The following GABRB1 variants were observed in gnomAD, a reference collection of about 807,000 sequenced individuals.
GABRB1 encodes gamma-aminobutyric acid receptor subunit beta-1.
A neutral mutation model predicts 51.6 loss-of-function variants in GABRB1; 17 were observed. That is an observed-to-expected ratio of 0.33 (90% CI 0.23 to 0.49). The LOEUF (loss-of-function observed/expected upper bound fraction) is 0.49, where lower values mean the gene tolerates loss of function less well. GABRB1 is among the 20% of genes least tolerant of loss of function. The pLI is 0.99. For synonymous variants in GABRB1, 247 were observed against 218.9 expected (o/e 1.13, Z -1.14); for missense variants, 410 against 600.6 (o/e 0.68, Z 3.32).
intron 3 of GABRB1, among the ~76,000 whole-genome samples, chr4:47,066,392 T>C (rs1727083667): frequency 6.6e-6 from 1 of 152,220 alleles, no homozygotes; most frequent in Non-Finnish European, 1.5e-5. Flanking sequence ...ATTGACACTT[T>C]CTTTCATGAA....
intron 4 of GABRB1, among the ~76,000 whole-genome samples, chr4:47,265,528 A>C (rs1722614034): frequency 6.6e-6 from 1 of 152,156 alleles, no homozygotes; most frequent in South Asian, 2.1e-4. Context: ...GCTGTTTTCC[A>C]TAGAGGTTGT....
At chr4:47,408,282 C>G (rs1245457748) in intron 8 of GABRB1, among the ~76,000 whole-genome samples, 4 of 152,142 alleles carry the variant, frequency 2.6e-5, no homozygotes, top group Non-Finnish European at 5.9e-5. Context: ...TGCATAGGCT[C>G]TGAGGCAGGA....
At chr4:47,094,202 A>G (rs568614070) in intron 3 of GABRB1, among the ~76,000 whole-genome samples, 4 of 150,342 alleles carry the variant, frequency 2.7e-5, no homozygotes, top group African/African-American at 4.9e-5. Flanking sequence ...GGATGGAAAA[A>G]GTTAATTTTT....
chr4:47,050,813 T>C (rs557508454), intron 3 of GABRB1, among the ~76,000 whole-genome samples: 1 of 152,170 alleles, frequency 6.6e-6, no homozygotes, highest in Non-Finnish European at 1.5e-5. Flanking sequence ...ATATTACTGA[T>C]GTTTCCTCTC....
intron 3 of GABRB1, among the ~76,000 whole-genome samples, chr4:47,049,347 C>G (rs1014004416): frequency 1.3e-5 from 2 of 152,116 alleles, no homozygotes; most frequent in East Asian, 3.9e-4. Flanking sequence ...ACGTCAACAA[C>G]AGAAGGGGAG....
intron 4 of GABRB1, among the ~76,000 whole-genome samples, chr4:47,269,935 T>TACACGCACAC (rs1722792596): frequency 1.5e-5 from 2 of 135,970 alleles, no homozygotes; most frequent in Non-Finnish European, 3.1e-5. Context: ...CAACTCTCCC[T>TACACGCACAC]ACACACACAC....
intron 5 of GABRB1, among the ~76,000 whole-genome samples, chr4:47,325,948 T>A (rs1725243288): frequency 6.6e-6 from 1 of 152,080 alleles, no homozygotes; most frequent in Admixed American, 6.6e-5. Flanking sequence ...AAGGGCAGAG[T>A]CCTCATGAAT....
intron 4 of GABRB1, among the ~76,000 whole-genome samples, chr4:47,284,434 C>T (rs1358545404): frequency 6.6e-6 from 1 of 152,178 alleles, no homozygotes; most frequent in East Asian, 1.9e-4. Flanking sequence ...CGTCTGCACA[C>T]TTAGTCATTT....
At chr4:47,154,257 G>GTTTT (rs66516518) in intron 3 of GABRB1, among the ~76,000 whole-genome samples, 12 of 137,400 alleles carry the variant, frequency 8.7e-5, no homozygotes, top group East Asian at 2.2e-4. Context: ...AATTATGGTT[G>GTTTT]TTTTTTTTTT....
intron 4 of GABRB1, among the ~76,000 whole-genome samples, chr4:47,292,533 A>C (rs865834243): frequency 6.6e-6 from 1 of 152,270 alleles, no homozygotes; most frequent in South Asian, 2.1e-4. Context: ...TATTTTGAAA[A>C]GAGTTTTAAA....
intron 5 of GABRB1, among the ~76,000 whole-genome samples, chr4:47,374,604 T>C (rs895925503): frequency 1.3e-5 from 2 of 152,174 alleles, no homozygotes; most frequent in African/African-American, 4.8e-5. Context: ...GCACATAGTA[T>C]TGAGCCTGAA....
At chr4:47,343,336 G>T (rs1172317682) in intron 5 of GABRB1, among the ~76,000 whole-genome samples, 1 of 152,118 alleles carries the variant, frequency 6.6e-6, no homozygotes, top group African/African-American at 2.4e-5. Flanking sequence ...AGACAAGTCA[G>T]TTTGGGATCA....
intron 8 of GABRB1, among the ~76,000 whole-genome samples, chr4:47,424,417 A>G (rs978146344): frequency 6.6e-6 from 1 of 152,232 alleles, no homozygotes. Flanking sequence ...TGATGGGAAC[A>G]CAATAAATCT....
intron 3 of GABRB1, among the ~76,000 whole-genome samples, chr4:47,112,874 A>T (rs1288161423): frequency 6.6e-6 from 1 of 152,214 alleles, no homozygotes; most frequent in East Asian, 1.9e-4. Context: ...TAATTATAAA[A>T]TTATCTTCTC....
At chr4:47,224,370 A>G (rs1297711322) in intron 4 of GABRB1, among the ~76,000 whole-genome samples, 1 of 152,132 alleles carries the variant, frequency 6.6e-6, no homozygotes, top group Non-Finnish European at 1.5e-5. Flanking sequence ...CTATTGCAGT[A>G]GGGGTTAACT....
intron 4 of GABRB1, among the ~76,000 whole-genome samples, chr4:47,193,677 G>C (rs1032363267): frequency 6.6e-6 from 1 of 151,922 alleles, no homozygotes; most frequent in Non-Finnish European, 1.5e-5. Context: ...TTTACCCTAA[G>C]AGTCTACACT....
intron 3 of GABRB1, among the ~76,000 whole-genome samples, chr4:47,098,973 A>T (rs956649858): frequency 6.6e-6 from 1 of 152,094 alleles, no homozygotes; most frequent in African/African-American, 2.4e-5. Flanking sequence ...CTCTTAACTA[A>T]AGGCAAAAAA....
At chr4:47,041,022 C>T (rs763780639) in intron 3 of GABRB1, among the ~76,000 whole-genome samples, 4 of 152,074 alleles carry the variant, frequency 2.6e-5, no homozygotes, top group Non-Finnish European at 5.9e-5. Context: ...TCCACTGTAT[C>T]GCTAAAGTGA....
At position 47,033,007 on chromosome 4, in the gene GABRB1, G is replaced by A. The variant is rs896719329; in HGVS notation, c.240+523G>A. Reference sequence around the variant, plus strand: ...CCAGGTTCAGGCACACCTGGTGGCAGGAGCAACAGGCTAAGACAACAGTCC... The same window carrying A: ...CCAGGTTCAGGCACACCTGGTGGCAAGAGCAACAGGCTAAGACAACAGTCC... On this transcript the variant is annotated intron_variant, in intron 3 of 8. Transcript: ENST00000295454. The A allele has an allele frequency of 5.2e-5, 17 of 328,692 alleles. No homozygotes were observed. The Admixed American group carries it at 6.6e-4, about 13-fold the overall frequency. 20.4% of individuals were successfully genotyped at this position (328,692 alleles called of 1,614,324 possible). A position where few individuals can be genotyped will look rare whatever the true frequency, so the allele number is the denominator to read the frequency against.
Sources: allele counts gnomAD v4.1 joint callset (sites outside exome capture counted in the v4.1 genomes callset), GRCh38; gene constraint gnomAD v4.1.1; transcripts MANE v1.5; gene names NCBI Gene and HGNC (gene_info 2026-07-23, HGNC 2026-07-21).